Variants in LIMCH1 observed in about 807,000 individuals in gnomAD.
LIMCH1 encodes the protein LIM and calponin homology domains 1, also known as LIM and calponin homology domains-containing protein 1.
A neutral mutation model predicts 176.5 loss-of-function variants in LIMCH1; 113 were observed. The ratio of observed to expected loss-of-function variants is 0.64; its 90% confidence interval spans 0.55 to 0.75. The LOEUF is 0.75. Ranked by LOEUF, LIMCH1 falls within the 30% of genes least tolerant of loss-of-function variation. The pLI is 0.00. For missense variants in LIMCH1, 1,674 were observed against 1,814.9 expected (o/e 0.92, Z 1.41); for synonymous variants, 619 against 645.9 (o/e 0.96, Z 0.63).
chr4:41,577,379 A>G (rs2084666767), intron 1 of LIMCH1, among the ~76,000 whole-genome samples: 1 of 152,192 alleles, frequency 6.6e-6, no homozygotes, highest in African/African-American at 2.4e-5. Context: ...AAAATTATAC[A>G]TCCTAGTGTT....
intron 1 of LIMCH1, among the ~76,000 whole-genome samples, chr4:41,563,518 G>A (rs983670258): frequency 6.6e-6 from 1 of 152,132 alleles, no homozygotes; most frequent in African/African-American, 2.4e-5. Flanking sequence ...CAAAAGAGTA[G>A]AATTGAGTCA....
At chr4:41,583,680 A>T (rs2085927544) in intron 1 of LIMCH1, among the ~76,000 whole-genome samples, 1 of 152,174 alleles carries the variant, frequency 6.6e-6, no homozygotes, top group South Asian at 2.1e-4. Context: ...ATAGAAAAAA[A>T]TTGGAATAGT....
intron 1 of LIMCH1, among the ~76,000 whole-genome samples, chr4:41,386,929 G>A (rs775574773): frequency 7.9e-5 from 12 of 152,212 alleles, no homozygotes; most frequent in Non-Finnish European, 1.3e-4. Context: ...AGCCAAAGTA[G>A]CTGTTATAGC....
chr4:41,416,663 C>A (rs66711511), intron 1 of LIMCH1, among the ~76,000 whole-genome samples: 19,870 of 129,104 alleles, frequency 0.15, 1,856 homozygotes, highest in African/African-American at 0.28. Context: ...ATCTCAAAAA[C>A]AAAAAAAAAA....
At chr4:41,449,467 T>G (rs1005347758) in intron 1 of LIMCH1, among the ~76,000 whole-genome samples, 4 of 152,184 alleles carry the variant, frequency 2.6e-5, no homozygotes, top group Non-Finnish European at 1.5e-5. Context: ...TTGTTTCCCA[T>G]TTTAGGCCCC....
chr4:41,650,688 T>C (rs747314011), intron 18 of LIMCH1, 80 bp downstream of exon 18: 7 of 1,185,208 alleles, frequency 5.9e-6, no homozygotes, highest in African/African-American at 1.5e-5. Flanking sequence ...AAGTAGGTCA[T>C]GATAATGACC....
chr4:41,609,592 T>C (rs563884345), intron 4 of LIMCH1: 35 of 450,498 alleles, frequency 7.8e-5, no homozygotes, highest in Non-Finnish European at 1.4e-4. Context: ...TCTCAGAAAC[T>C]GTTAAGTCAT....
At chr4:41,437,942 A>C (rs1192753644) in intron 1 of LIMCH1, among the ~76,000 whole-genome samples, 1 of 152,232 alleles carries the variant, frequency 6.6e-6, no homozygotes, top group African/African-American at 2.4e-5. Flanking sequence ...TGGACCCTGC[A>C]GTGACCACTG....
rs2152874570 is a variant in LIMCH1 at position 41,632,794 on chromosome 4, G to A, written c.1647G>A (p.Trp549Ter). 1 of 1,536,252 alleles carries A rather than the reference G, an allele frequency of 6.5e-7. No individual in the cohort carries two copies. Among genetic ancestry groups the A allele is most frequent in the East Asian group, 2.4e-5 (1 of 40,910 alleles). ...GTGACTATTGCAGAAGGGCCTCGTG[G>A]CTGGCTCCTGTGCCGGAGTCTCAGG... ...GRGDYCRRAS[W>*]LAPVPESQEE... Residue 549 changes from tryptophan to a stop codon, truncating the protein, a stop_gained, in exon 11 of 32, where the codon TGG (tryptophan) becomes TGA (stop). Transcript: ENST00000503057. LOFTEE classifies it high-confidence loss of function.
At chr4:41,469,363 T>C (rs1227015246) in intron 1 of LIMCH1, among the ~76,000 whole-genome samples, 1 of 152,224 alleles carries the variant, frequency 6.6e-6, no homozygotes, top group Admixed American at 6.5e-5. Context: ...TGCCTCCCTC[T>C]TTCAATCAGT....
At chr4:41,463,223 G>A (rs960927344) in intron 1 of LIMCH1, among the ~76,000 whole-genome samples, 3 of 151,962 alleles carry the variant, frequency 2.0e-5, no homozygotes, top group African/African-American at 4.8e-5. Context: ...CTTGGGCAGG[G>A]TGACTTGGGT....
chr4:41,426,017 CTTTTTTTTTT>C (rs913325890), intron 1 of LIMCH1, among the ~76,000 whole-genome samples: 3 of 102,884 alleles, frequency 2.9e-5, no homozygotes, highest in East Asian at 2.7e-4. Context: ...TGAAAAGATT[CTTTTTTTTTT>C]TTTTTTTTTT....
At chr4:41,550,881 T>C (rs1447790940) in intron 1 of LIMCH1, among the ~76,000 whole-genome samples, 1 of 152,124 alleles carries the variant, frequency 6.6e-6, no homozygotes, top group Non-Finnish European at 1.5e-5. Flanking sequence ...AAAGATAATA[T>C]AACTTTTATA....
chr4:41,644,464 C>A (rs1040462074), intron 14 of LIMCH1, 36 bp from the exon 15 acceptor site: 1 of 1,456,340 alleles, frequency 6.9e-7, no homozygotes, highest in Non-Finnish European at 9.1e-7. Context: ...GGGCGCTGAT[C>A]GCGGTCCCTC....
intron 3 of LIMCH1, among the ~76,000 whole-genome samples, chr4:41,605,657 T>C (rs1347403839): frequency 6.6e-6 from 1 of 152,214 alleles, no homozygotes; most frequent in African/African-American, 2.4e-5. Flanking sequence ...CTACCTAACT[T>C]TCCCTAACGC....
At chr4:41,499,643 C>A (rs1488651125) in intron 2 of LIMCH1, among the ~76,000 whole-genome samples, 1 of 152,158 alleles carries the variant, frequency 6.6e-6, no homozygotes, top group Non-Finnish European at 1.5e-5. Flanking sequence ...CATGGCAAAA[C>A]CCTGTCTCTA....
At chr4:41,529,332 C>T (rs560410985) in intron 3 of LIMCH1, among the ~76,000 whole-genome samples, 5 of 152,224 alleles carry the variant, frequency 3.3e-5, no homozygotes, top group African/African-American at 7.2e-5. Flanking sequence ...TTGTGACAGC[C>T]GTCGTGTGTG....
At chr4:41,526,563 G>A (rs554818790) in intron 3 of LIMCH1, among the ~76,000 whole-genome samples, 6 of 152,078 alleles carry the variant, frequency 3.9e-5, no homozygotes, top group South Asian at 2.1e-4. Context: ...CACGGTTCTC[G>A]CGTCATGCCT....
chr4:41,640,126 C>T (rs1000252793), intron 14 of LIMCH1, among the ~76,000 whole-genome samples: 1 of 152,200 alleles, frequency 6.6e-6, no homozygotes, highest in African/African-American at 2.4e-5. Flanking sequence ...ACATAAAGAA[C>T]ACTCATGCCT....
Sources: allele counts gnomAD v4.1 joint callset (sites outside exome capture counted in the v4.1 genomes callset), GRCh38; gene constraint gnomAD v4.1.1; transcripts MANE v1.5; gene names NCBI Gene and HGNC (gene_info 2026-07-23, HGNC 2026-07-21).